The following RORA variants were observed in gnomAD, a reference collection of about 807,000 sequenced individuals.
RORA encodes nuclear receptor ROR-alpha.
In RORA, 7 loss-of-function variants were observed where a neutral mutation model predicts 69.5. The ratio of observed to expected loss-of-function variants is 0.10; its 90% confidence interval spans 0.06 to 0.19. The LOEUF (loss-of-function observed/expected upper bound fraction) is 0.19. RORA is among the 10% of genes least tolerant of loss of function. The probability of loss-of-function intolerance (pLI) is 1.00; values close to 1 mark genes in which losing one functional copy is unlikely to be tolerated. For missense variants in RORA, 457 were observed against 663.0 expected, an observed-to-expected ratio of 0.69 and a Z score of 3.41; for synonymous variants, 261 against 240.8, an observed-to-expected ratio of 1.08 and a Z score of -0.78.
At chr15:60,917,771 C>T (rs771176483) in intron 1 of RORA, among the ~76,000 whole-genome samples, 7 of 152,238 alleles carry the variant, frequency 4.6e-5, no homozygotes, top group Admixed American at 6.5e-5. Flanking sequence ...CTTTCCCTCA[C>T]GCATCTGAAG....
chr15:60,522,760 C>A (rs1308543843), intron 3 of RORA, among the ~76,000 whole-genome samples: 2 of 136,178 alleles, frequency 1.5e-5, no homozygotes, highest in South Asian at 5.5e-4. Context: ...CAGAGTGAGA[C>A]CCTGTGTCTT....
intron 1 of RORA, among the ~76,000 whole-genome samples, chr15:61,024,676 C>G (rs1182746184): frequency 6.6e-6 from 1 of 152,048 alleles, no homozygotes; most frequent in East Asian, 1.9e-4. Flanking sequence ...GTCTTGAACT[C>G]CTGACATCAC....
At chr15:60,507,362 A>C (rs1425136953) in intron 5 of RORA, among the ~76,000 whole-genome samples, 1 of 152,236 alleles carries the variant, frequency 6.6e-6, no homozygotes, top group Non-Finnish European at 1.5e-5. Context: ...AAACAGAAGC[A>C]GACTTGTTTG....
At chr15:61,089,364 C>T (rs2078671703) in intron 1 of RORA, among the ~76,000 whole-genome samples, 1 of 152,182 alleles carries the variant, frequency 6.6e-6, no homozygotes, top group Non-Finnish European at 1.5e-5. Flanking sequence ...GGGAAAACAT[C>T]CTGTTTCTCA....
chr15:60,512,428 G>A (rs1382796445), intron 4 of RORA, among the ~76,000 whole-genome samples: 1 of 152,054 alleles, frequency 6.6e-6, no homozygotes, highest in Admixed American at 6.5e-5. Flanking sequence ...CTGGGACCAC[G>A]TGTGTACACC....
intron 1 of RORA, among the ~76,000 whole-genome samples, chr15:61,048,277 T>C (rs1388492698): frequency 1.3e-5 from 2 of 152,370 alleles, no homozygotes; most frequent in African/African-American, 4.8e-5. Context: ...AACTTGTTCC[T>C]AGGTTATCCA....
In RORA at chr15:60,909,722, G is replaced by A. The variant is rs369983326; in HGVS notation, c.167-231036C>T. Among the ~76,000 whole-genome samples the A allele has an allele frequency of 5.5e-4, 84 of 152,330 alleles. 3 individuals carry two copies. Among genetic ancestry groups the A allele is most frequent in the African/African-American group, 1.9e-3 (79 of 41,570 alleles). ...GGACAGAACACTAGCATGGGCTTTT[G>A]CCTCCTAATTCAGCGTTCTCACCAC... On this transcript the variant is annotated intron_variant, in intron 1 of 10. Transcript: ENST00000335670.
chr15:60,692,421 G>A (rs1447471764), intron 1 of RORA, among the ~76,000 whole-genome samples: 4 of 152,184 alleles, frequency 2.6e-5, no homozygotes, highest in Non-Finnish European at 4.4e-5. Context: ...AAGGAAAAAT[G>A]AGTTCACGCT....
intron 1 of RORA, among the ~76,000 whole-genome samples, chr15:61,107,441 C>T (rs1167222287): frequency 6.6e-6 from 1 of 152,144 alleles, no homozygotes; most frequent in Non-Finnish European, 1.5e-5. Flanking sequence ...TTATTCCTCA[C>T]CTTGGGCAAG....
chr15:60,973,925 T>G (rs1472700774), intron 1 of RORA, among the ~76,000 whole-genome samples: 1 of 152,240 alleles, frequency 6.6e-6, no homozygotes, highest in Non-Finnish European at 1.5e-5. Context: ...GGAGGATCAC[T>G]TTATACCAGG....
chr15:60,735,155 T>C (rs1267916271), intron 1 of RORA, among the ~76,000 whole-genome samples: 1 of 152,122 alleles, frequency 6.6e-6, no homozygotes, highest in Admixed American at 6.5e-5. Context: ...AAGGCAAATA[T>C]ATCACAGAAC....
In RORA at chr15:60,726,676, C is replaced by G. The variant is rs999037830; in HGVS notation, c.167-47990G>C. Among the ~76,000 whole-genome samples the G allele has an allele frequency of 2.6e-5, 4 of 152,176 alleles. 1 individual carries two copies. In the South Asian group the frequency reaches 8.3e-4, roughly 31 times the overall value. On this transcript the variant is annotated intron_variant, in intron 1 of 10. Transcript: ENST00000335670. ...CATGTGTCTCCCGTGGGGCTGCAGA[C>G]GCGCCACTGTGTCTAGGGGCGGGTG...
intron 2 of RORA, among the ~76,000 whole-genome samples, chr15:60,571,604 G>C (rs1453074421): frequency 6.6e-6 from 1 of 152,164 alleles, no homozygotes; most frequent in African/African-American, 2.4e-5. Context: ...GAAAGATCAT[G>C]AAGAGGCATG....
intron 2 of RORA, among the ~76,000 whole-genome samples, chr15:60,570,631 T>C (rs751561213): frequency 2.0e-5 from 3 of 152,208 alleles, no homozygotes; most frequent in South Asian, 4.1e-4. Context: ...ATTACAGGTG[T>C]GAGCTACTGC....
intron 1 of RORA, among the ~76,000 whole-genome samples, chr15:61,019,544 A>C (rs1220412774): frequency 6.6e-6 from 1 of 152,182 alleles, no homozygotes; most frequent in African/African-American, 2.4e-5. Flanking sequence ...AGTTTGGTTC[A>C]GAGGATAATC....
intron 1 of RORA, among the ~76,000 whole-genome samples, chr15:60,850,138 T>A (rs1379725670): frequency 6.6e-6 from 1 of 152,258 alleles, no homozygotes; most frequent in South Asian, 2.1e-4. Flanking sequence ...ATGGAGCTGG[T>A]CCCAAGAAAT....
At chr15:61,152,064 T>C (rs1220439179) in intron 1 of RORA, among the ~76,000 whole-genome samples, 2 of 152,178 alleles carry the variant, frequency 1.3e-5, no homozygotes, top group African/African-American at 4.8e-5. Flanking sequence ...GCTCAATAGC[T>C]TCTCTATATG....
rs16942996 is a variant in RORA at position 60,723,279 on chromosome 15, C to A, written c.167-44593G>T. On this transcript the variant is annotated intron_variant, in intron 1 of 10. Coordinates refer to ENST00000335670, the MANE Select transcript of RORA (RefSeq NM_134261.3). ...ATAGCAGCTACCCTTAGTTTCGATG[C>A]GCATATAGGTTGAAAAAGGTTTGCT... 3.3e-5 allele frequency among the ~76,000 whole-genome samples: 5 copies of A among 151,856 alleles called. No individual in the cohort carries two copies. The South Asian group carries it at 6.3e-4, about 19-fold the overall frequency.
In RORA at chr15:60,491,831, G is replaced by A. The variant is rs1443291654; in HGVS notation, c.*5624C>T. The A allele has an allele frequency of 6.6e-6, 1 of 151,898 alleles. No individual in the cohort carries two copies. The highest frequency in any genetic ancestry group is 2.4e-5 in the African/African-American group (1 of 41,320). 9.4% of individuals were successfully genotyped at this position (151,898 alleles called of 1,614,324 possible). A position where few individuals can be genotyped will look rare whatever the true frequency, so the allele number is the denominator to read the frequency against. ...GAAGGTCTCTATAATACAATCTGAT[G>A]GAACCTCTTTACTAACATTATGTTT... On this transcript the variant is annotated 3_prime_UTR_variant, in exon 11 of 11. Coordinates refer to ENST00000335670, the MANE Select transcript of RORA (RefSeq NM_134261.3).
Sources: allele counts gnomAD v4.1 joint callset (sites outside exome capture counted in the v4.1 genomes callset), GRCh38; gene constraint gnomAD v4.1.1; transcripts MANE v1.5; gene names NCBI Gene and HGNC (gene_info 2026-07-23, HGNC 2026-07-21).